CSMD3: variants seen among roughly 807,000 people sequenced by gnomAD.
CSMD3 encodes CUB and sushi domain-containing protein 3.
CSMD3 carries 177 observed loss-of-function variants against 435.2 expected under a neutral mutation model. The observed-to-expected ratio is 0.41, with a 90% CI of 0.36 to 0.46. CSMD3 has a LOEUF of 0.46. CSMD3 is among the 20% of genes least tolerant of loss of function. The pLI, the probability that CSMD3 is intolerant of heterozygous loss-of-function variation, is 0.34. For missense variants in CSMD3, 4,265 were observed against 4,504.6 expected, an observed-to-expected ratio of 0.95 and a Z score of 1.52; for synonymous variants, 1,656 against 1,520.5, an observed-to-expected ratio of 1.09 and a Z score of -2.07.
intron 1 of CSMD3, among the ~76,000 whole-genome samples, chr8:113,335,364 C>A (rs942199588): frequency 7.2e-5 from 11 of 151,884 alleles, no homozygotes; most frequent in Admixed American, 2.0e-4. Context: ...CATCTTTTTT[C>A]TTTGTCAGCT....
intron 3 of CSMD3, among the ~76,000 whole-genome samples, chr8:113,222,855 GTTAATTCC>G (rs1052594538): frequency 4.0e-5 from 6 of 150,932 alleles, no homozygotes; most frequent in Admixed American, 1.3e-4. Flanking sequence ...TTTGTTCGAT[GTTAATTCC>G]TTTTGCATTT....
chr8:112,924,757 G>A (rs569750299), intron 9 of CSMD3, among the ~76,000 whole-genome samples: 1 of 152,156 alleles, frequency 6.6e-6, no homozygotes, highest in East Asian at 1.9e-4. Context: ...AATACACTGG[G>A]AAAAGTAGTT....
chr8:112,417,341 A>G (rs1812020573), intron 32 of CSMD3, among the ~76,000 whole-genome samples: 1 of 152,162 alleles, frequency 6.6e-6, no homozygotes, highest in Admixed American at 6.5e-5. Flanking sequence ...AGGGATAATA[A>G]AAGTACCTGA....
intron 2 of CSMD3, among the ~76,000 whole-genome samples, chr8:113,296,622 G>A (rs1437892487): frequency 6.6e-6 from 1 of 152,142 alleles, no homozygotes; most frequent in Non-Finnish European, 1.5e-5. Flanking sequence ...CCAGATTCTA[G>A]AAGGGATTTT....
At chr8:112,394,645 C>T (rs2129804380) in intron 35 of CSMD3, among the ~76,000 whole-genome samples, 1 of 152,246 alleles carries the variant, frequency 6.6e-6, no homozygotes, top group South Asian at 2.1e-4. Context: ...TTTTATTCAT[C>T]CCTCCCTCTG....
At chr8:113,431,082 A>C (rs923068673) in intron 1 of CSMD3, among the ~76,000 whole-genome samples, 7 of 152,154 alleles carry the variant, frequency 4.6e-5, no homozygotes, top group African/African-American at 1.4e-4. Flanking sequence ...GAGCCTCACA[A>C]GGGGCCCAAT....
chr8:113,259,962 C>T (rs1221761378), intron 3 of CSMD3, among the ~76,000 whole-genome samples: 1 of 152,156 alleles, frequency 6.6e-6, no homozygotes, highest in African/African-American at 2.4e-5. Flanking sequence ...ATGCTAATCT[C>T]ATGATAGTAA....
At chr8:112,997,786 C>T (rs2085709685) in intron 6 of CSMD3, among the ~76,000 whole-genome samples, 1 of 150,538 alleles carries the variant, frequency 6.6e-6, no homozygotes, top group Non-Finnish European at 1.5e-5. Flanking sequence ...TTTTCAAATC[C>T]ATCTTTTATT....
At chr8:113,394,158 T>TCA (rs1256213405) in intron 1 of CSMD3, among the ~76,000 whole-genome samples, 1 of 67,292 alleles carries the variant, frequency 1.5e-5, no homozygotes, top group African/African-American at 8.3e-5. Context: ...ATTTGTTGAA[T>TCA]TACACACACA....
intron 40 of CSMD3, among the ~76,000 whole-genome samples, chr8:112,350,135 T>C (rs1826009285): frequency 6.6e-6 from 1 of 152,034 alleles, no homozygotes; most frequent in Non-Finnish European, 1.5e-5. Context: ...TTTTGTAACT[T>C]CAAGCTTCCA....
At chr8:113,040,250 T>C (rs989331078) in intron 5 of CSMD3, among the ~76,000 whole-genome samples, 2 of 151,994 alleles carry the variant, frequency 1.3e-5, no homozygotes, top group Non-Finnish European at 2.9e-5. Context: ...AGAAAGACAG[T>C]GGTTAGGAAT....
At position 113,168,519 on chromosome 8, in the gene CSMD3, CAAAA is replaced by C. The variant is rs71281204; in HGVS notation, c.709+5199_709+5202del. On this transcript the variant is annotated intron_variant, in intron 4 of 70. Transcript: ENST00000297405. ...CTGGTGACAGAGCAAGACTCTGTCT[CAAAA>C]AAAAAAAAAAAAAAAAAAAAAAAAC... Among the ~76,000 whole-genome samples, 56 of 16,996 alleles carry C rather than the reference CAAAA, an allele frequency of 3.3e-3. 1 individual carries two copies. In the East Asian group the frequency reaches 0.034, roughly 10 times the overall value. 11.2% of individuals were successfully genotyped at this position (16,996 alleles called of 152,430 possible). A position where few individuals can be genotyped will look rare whatever the true frequency, so the allele number is the denominator to read the frequency against.
At chr8:112,954,614 T>A in intron 8 of CSMD3, 70 bp downstream of exon 8, 2 of 958,254 alleles carry the variant, frequency 2.1e-6, no homozygotes, top group African/African-American at 3.2e-5. Context: ...GTAAAACACA[T>A]ACAAACAACA....
intron 22 of CSMD3, among the ~76,000 whole-genome samples, chr8:112,611,868 T>C (rs1456360779): frequency 6.6e-6 from 1 of 152,184 alleles, no homozygotes; most frequent in East Asian, 1.9e-4. Flanking sequence ...ATGTAAAATA[T>C]AGCATTCTGA....
intron 30 of CSMD3, among the ~76,000 whole-genome samples, chr8:112,502,644 G>T (rs985389995): frequency 6.6e-6 from 1 of 151,268 alleles, no homozygotes; most frequent in Non-Finnish European, 1.5e-5. Context: ...AAATGCAAAA[G>T]GAGTTTCCAT....
intron 27 of CSMD3, among the ~76,000 whole-genome samples, chr8:112,536,318 A>G: frequency 6.6e-6 from 1 of 152,162 alleles, no homozygotes; most frequent in Non-Finnish European, 1.5e-5. Context: ...ACTCAAACAA[A>G]TTTACAAGAA....
intron 2 of CSMD3, among the ~76,000 whole-genome samples, chr8:113,300,729 A>G (rs1025995702): frequency 7.2e-5 from 11 of 152,076 alleles, no homozygotes; most frequent in African/African-American, 1.4e-4. Context: ...AAAACTACCT[A>G]TAAGTACTAT....
rs5894099 is a variant in CSMD3, at chr8:112,690,587, ACC to A, written c.1973-539_1973-538del. The stretch of plus-strand genomic sequence containing the variant: ...TTGGTTGAATTATTTTCCCAACTAG[ACC>A]CCCCCCCCCAACAAAAAAAAAATCT... On this transcript the variant is annotated intron_variant, in intron 13 of 70. Transcript: ENST00000297405. Among the ~76,000 whole-genome samples, 359 of 130,992 alleles carry A rather than the reference ACC, an allele frequency of 2.7e-3. 1 individual carries two copies. Among genetic ancestry groups the A allele is most frequent in the African/African-American group, 6.4e-3 (235 of 36,640 alleles). The allele number at this position is 130,992 out of a possible 152,430, so 85.9% of individuals were successfully genotyped here.
At chr8:112,431,458 A>G (rs1813700187) in intron 32 of CSMD3, among the ~76,000 whole-genome samples, 1 of 152,142 alleles carries the variant, frequency 6.6e-6, no homozygotes, top group Non-Finnish European at 1.5e-5. Context: ...TATACATAAA[A>G]CATACAGTAC....
Sources: allele counts gnomAD v4.1 joint callset (sites outside exome capture counted in the v4.1 genomes callset), GRCh38; gene constraint gnomAD v4.1.1; transcripts MANE v1.5; gene names NCBI Gene and HGNC (gene_info 2026-07-23, HGNC 2026-07-21).